Variants in USP7 observed in about 807,000 individuals in gnomAD.
USP7 encodes the protein ubiquitin specific peptidase 7, also known as ubiquitin C-terminal hydrolase 7.
In USP7, 9 loss-of-function variants were observed where a neutral mutation model predicts 162.9. The ratio of observed to expected loss-of-function variants is 0.06; its 90% CI spans 0.03 to 0.10. The LOEUF (loss-of-function observed/expected upper bound fraction) is 0.10. Among genes scored for constraint, USP7 ranks in the 10% least tolerant of loss-of-function variants. The pLI, the probability that USP7 is intolerant of heterozygous loss-of-function variation, is 1.00. For missense variants in USP7, 715 were observed against 1,373.7 expected (o/e 0.52, Z 7.58); for synonymous variants, 562 against 475.9 (o/e 1.18, Z -2.35).
intron 8 of USP7, 51 bp downstream of exon 8, chr16:8,916,451 T>C (rs780242344): frequency 3.2e-6 from 5 of 1,568,138 alleles, no homozygotes; most frequent in Non-Finnish European, 4.3e-6. Flanking sequence ...CTTCTGACCA[T>C]GCTTCAAAAT....
intron 26 of USP7, among the ~76,000 whole-genome samples, chr16:8,895,956 C>T (rs532749129): frequency 6.6e-6 from 1 of 151,740 alleles, no homozygotes; most frequent in East Asian, 1.9e-4. Flanking sequence ...CCCACCTCAG[C>T]CTCCCGAGTA....
Position 8,892,552 on chromosome 16 carries a change from T to C in USP7, c.*1446A>G, listed in dbSNP as rs2061613949. 1 of 149,482 alleles carries C rather than the reference T, an allele frequency of 6.7e-6. No individual in the cohort carries two copies. Among genetic ancestry groups the C allele is most frequent in the Non-Finnish European group, 1.5e-5 (1 of 67,712 alleles). 9.3% of individuals were successfully genotyped at this position (149,482 alleles called of 1,614,324 possible). A position where few individuals can be genotyped will look rare whatever the true frequency, so the allele number is the denominator to read the frequency against. On this transcript the variant is annotated 3_prime_UTR_variant, in exon 31 of 31. Coordinates refer to ENST00000344836, the MANE Select transcript of USP7 (RefSeq NM_003470.3). ...CTCCAGTCACCTTATTTGTACACAG[T>C]TCTCTCCTGGAAAACCTTTCATTTC... is the stretch of plus-strand genomic sequence containing the variant.
intron 1 of USP7, among the ~76,000 whole-genome samples, chr16:8,939,072 C>G (rs1195335047): frequency 6.6e-6 from 1 of 152,156 alleles, no homozygotes; most frequent in Non-Finnish European, 1.5e-5. Context: ...GTATCAACAG[C>G]CAGGGTCCTG....
chr16:8,957,302 G>A (rs981760084), intron 1 of USP7, among the ~76,000 whole-genome samples: 1 of 152,174 alleles, frequency 6.6e-6, no homozygotes, highest in Admixed American at 6.5e-5. Flanking sequence ...TTCAGAACAA[G>A]TAATTTCTAA....
In USP7 at chr16:8,899,661, T is replaced by G. The variant is rs1209455876; in HGVS notation, c.2406A>C (p.Thr802=). 1 of 1,614,112 alleles carries G rather than the reference T, an allele frequency of 6.2e-7. No homozygotes were observed. Among genetic ancestry groups the G allele is most frequent in the African/African-American group, 1.3e-5 (1 of 74,942 alleles). Reference sequence around the variant, plus strand: ...CCACAAATCCAGGATCATTAGGGATTGTTTTATCACAGAAAATGACATCAA... The same window carrying G: ...CCACAAATCCAGGATCATTAGGGATGGTTTTATCACAGAAAATGACATCAA... ...HRVDVIFCDK[T]IPNDPGFVVT... is the part of the protein sequence containing the mutation. Residue 802 remains threonine (T), a synonymous_variant, in exon 22 of 31, where the codon ACA becomes ACC. Transcript: ENST00000344836.
At chr16:8,963,105 G>A (rs996248815) in intron 1 of USP7, 102 bp downstream of exon 1, 17 of 1,093,220 alleles carry the variant, frequency 1.6e-5, no homozygotes, top group Non-Finnish European at 1.9e-5. Context: ...GCCGCCCGGG[G>A]CCTGGTTAAA....
intron 1 of USP7, among the ~76,000 whole-genome samples, chr16:8,952,785 C>T (rs1172753034): frequency 1.3e-5 from 2 of 152,084 alleles, no homozygotes; most frequent in African/African-American, 4.8e-5. Context: ...CAGAGTCTGG[C>T]AGTTCCCAAA....
intron 1 of USP7, among the ~76,000 whole-genome samples, chr16:8,945,172 C>T (rs1405565609): frequency 2.0e-5 from 3 of 151,952 alleles, no homozygotes; most frequent in Non-Finnish European, 2.9e-5. Flanking sequence ...TGTAGTGAGC[C>T]GAGATCCTGC....
chr16:8,913,583 G>A (rs2061983652), intron 10 of USP7, among the ~76,000 whole-genome samples: 1 of 151,942 alleles, frequency 6.6e-6, no homozygotes, highest in African/African-American at 2.4e-5. Flanking sequence ...TTTCACAACT[G>A]CAGATGAAAT....
At chr16:8,902,662 G>C (rs1262174126) in intron 16 of USP7, among the ~76,000 whole-genome samples, 180 bp from the exon 17 acceptor site, 2 of 152,122 alleles carry the variant, frequency 1.3e-5, no homozygotes, top group Non-Finnish European at 1.5e-5. Flanking sequence ...GGCCGAGGCA[G>C]GTGGATCACG....
At chr16:8,945,782 G>T (rs1039944991) in intron 1 of USP7, among the ~76,000 whole-genome samples, 4 of 152,028 alleles carry the variant, frequency 2.6e-5, no homozygotes, top group African/African-American at 9.7e-5. Context: ...GGGTGTGGTG[G>T]CTCATACCCT....
chr16:8,963,034 G>C (rs1900083756), intron 1 of USP7, 173 bp downstream of exon 1: 1 of 443,974 alleles, frequency 2.3e-6, no homozygotes, highest in Non-Finnish European at 3.2e-6. Context: ...CTCGCCCGCG[G>C]ACCCGGCATG....
chr16:8,927,016 T>A (rs967782026), intron 2 of USP7, among the ~76,000 whole-genome samples: 1 of 151,988 alleles, frequency 6.6e-6, no homozygotes, highest in African/African-American at 2.4e-5. Flanking sequence ...TGGGCTTCAG[T>A]TGCAAAAAGA....
At chr16:8,936,403 G>T (rs1324401146) in intron 1 of USP7, among the ~76,000 whole-genome samples, 5 of 152,076 alleles carry the variant, frequency 3.3e-5, no homozygotes, top group African/African-American at 1.2e-4. Flanking sequence ...TTAAATATAT[G>T]ACTTAAAATA....
intron 3 of USP7, among the ~76,000 whole-genome samples, chr16:8,921,819 G>C (rs1192008510): frequency 2.6e-5 from 4 of 152,186 alleles, no homozygotes; most frequent in South Asian, 4.1e-4. Context: ...GAAGTGTGGG[G>C]TGGACCACAA....
rs554383267 is a variant in USP7, at chr16:8,927,815, G to A, written c.184+2478C>T. On this transcript the variant is annotated intron_variant, in intron 2 of 30. Coordinates refer to ENST00000344836, the MANE Select transcript of USP7 (RefSeq NM_003470.3). Reference sequence around the variant, plus strand: ...CTTGCCACTGTACTCTAGCCTGGGCGACACAACAAGAACCTATCTCAAAAT... The same window carrying A: ...CTTGCCACTGTACTCTAGCCTGGGCAACACAACAAGAACCTATCTCAAAAT... Among the ~76,000 whole-genome samples, 35 of 152,248 alleles carry A rather than the reference G, an allele frequency of 2.3e-4. No individual in the cohort carries two copies. In the South Asian group the frequency reaches 6.8e-3, roughly 30 times the overall value.
chr16:8,932,894 T>G (rs1299825125), intron 1 of USP7, among the ~76,000 whole-genome samples: 1 of 149,808 alleles, frequency 6.7e-6, no homozygotes, highest in South Asian at 2.1e-4. Flanking sequence ...ACTAACTGAA[T>G]AGGAAAAAAA....
intron 12 of USP7, among the ~76,000 whole-genome samples, chr16:8,907,088 T>C (rs1163010936): frequency 6.6e-6 from 1 of 152,224 alleles, no homozygotes; most frequent in African/African-American, 2.4e-5. Context: ...AAGCACAGCA[T>C]GCACCCGGCC....
chr16:8,903,970 G>A (rs1044312315), intron 15 of USP7, among the ~76,000 whole-genome samples: 18 of 152,032 alleles, frequency 1.2e-4, no homozygotes, highest in African/African-American at 4.1e-4. Context: ...CCAACGGTGA[G>A]ATGACCTCCT....
Sources: allele counts gnomAD v4.1 joint callset (sites outside exome capture counted in the v4.1 genomes callset), GRCh38; gene constraint gnomAD v4.1.1; transcripts MANE v1.5; gene names NCBI Gene and HGNC (gene_info 2026-07-23, HGNC 2026-07-21).